The following EVC variants were observed in gnomAD, a reference collection of about 807,000 sequenced individuals.
EVC encodes the protein evC complex member EVC.
In EVC, 116 loss-of-function variants were observed where a neutral mutation model predicts 118.9. That is an observed-to-expected ratio of 0.98 (90% CI 0.84 to 1.14). The LOEUF (loss-of-function observed/expected upper bound fraction) is 1.14. Ranked by LOEUF, EVC falls within the 50% of genes most tolerant of loss-of-function variation. EVC has a pLI of 0.00. For missense variants in EVC, 1,401 were observed against 1,246.4 expected (o/e 1.12, Z -1.87); for synonymous variants, 619 against 534.7 (o/e 1.16, Z -2.18).
intron 12 of EVC, 42 bp from the exon 13 acceptor site, chr4:5,793,566 G>C (rs768735514): frequency 6.7e-7 from 1 of 1,488,290 alleles, no homozygotes. Flanking sequence ...TTGTTGAAGT[G>C]AGTAACCACA....
chr4:5,771,787 G>A (rs1734002846), intron 11 of EVC, among the ~76,000 whole-genome samples: 1 of 152,190 alleles, frequency 6.6e-6, no homozygotes, highest in Non-Finnish European at 1.5e-5. Flanking sequence ...GGCTTAAAGG[G>A]TTATACACCA....
intron 3 of EVC, among the ~76,000 whole-genome samples, chr4:5,730,116 C>T (rs796397569): frequency 6.6e-6 from 1 of 152,166 alleles, no homozygotes; most frequent in Non-Finnish European, 1.5e-5. Flanking sequence ...CACTGTGTGG[C>T]GTTTCCTGAC....
chr4:5,804,753 C>T lies in EVC; in HGVS notation c.2473C>T (p.Leu825=). Residue 825 remains leucine (L), a synonymous_variant, in exon 17 of 21, where the codon CTG becomes TTG. Transcript: ENST00000264956. ...AGGTGAGAGGATGGAAAATTACAAA[C>T]TGCGGAAAAAGCAAGAACTCAGCAA... ...LQGERMENYK[L]RKKQELSNPS... is the part of the protein sequence containing the mutation. The T allele has an allele frequency of 6.2e-7, 1 of 1,614,160 alleles. No individual in the cohort carries two copies. Among genetic ancestry groups the T allele is most frequent in the Non-Finnish European group, 8.5e-7 (1 of 1,180,038 alleles).
At chr4:5,721,592 G>T (rs1375833254) in intron 2 of EVC, among the ~76,000 whole-genome samples, 2 of 152,216 alleles carry the variant, frequency 1.3e-5, no homozygotes, top group Non-Finnish European at 2.9e-5. Context: ...GATAGGCTGG[G>T]CATGGTGGCT....
intron 5 of EVC, among the ~76,000 whole-genome samples, chr4:5,741,188 A>G (rs1053227614): frequency 1.3e-5 from 2 of 152,344 alleles, no homozygotes; most frequent in Non-Finnish European, 2.9e-5. Flanking sequence ...CAGATGTCTT[A>G]CAGGGGTGAA....
Position 5,758,124 on chromosome 4 carries a change from G to A in EVC, c.1563+1762G>A, listed in dbSNP as rs1387513035. The A allele has an allele frequency of 4.3e-6, 3 of 702,194 alleles. No individual in the cohort carries two copies. In the East Asian group the frequency reaches 8.0e-5, roughly 19 times the overall value. 43.5% of individuals were successfully genotyped at this position (702,194 alleles called of 1,614,324 possible). On this transcript the variant is annotated intron_variant, in intron 11 of 20. Coordinates refer to ENST00000264956, the MANE Select transcript of EVC (RefSeq NM_153717.3). ...AGAGACACAGGGAAGGAGGCTGTTT[G>A]AAGACAGAAGGAGGGACTGGAGTGA... is the stretch of plus-strand genomic sequence containing the variant.
intron 13 of EVC, among the ~76,000 whole-genome samples, chr4:5,794,633 A>T (rs1210718351): frequency 1.3e-5 from 2 of 151,144 alleles, no homozygotes; most frequent in Admixed American, 1.3e-4. Flanking sequence ...CTGGTCTCAA[A>T]CTCCTAACCT....
chr4:5,741,613 G>C, intron 5 of EVC, 103 bp from the exon 6 acceptor site: 1 of 682,376 alleles, frequency 1.5e-6, no homozygotes. Context: ...AAAAGAAGGA[G>C]AGAGGCAGTG....
chr4:5,717,394 T>A (rs985176112), intron 1 of EVC, among the ~76,000 whole-genome samples: 27 of 152,172 alleles, frequency 1.8e-4, no homozygotes, highest in Middle Eastern at 3.2e-3. Context: ...TTTGTTTGTT[T>A]TGGATTTTAT....
At chr4:5,766,243 C>T (rs1164945553) in intron 11 of EVC, among the ~76,000 whole-genome samples, 10 of 151,816 alleles carry the variant, frequency 6.6e-5, no homozygotes, top group Admixed American at 5.2e-4. Flanking sequence ...CCACTCTCTT[C>T]TGGCTTGTAG....
intron 5 of EVC, among the ~76,000 whole-genome samples, chr4:5,735,920 C>G (rs948792424): frequency 1.3e-5 from 2 of 152,184 alleles, no homozygotes; most frequent in Non-Finnish European, 2.9e-5. Context: ...CTGTAAGAAC[C>G]TGGTGAGCCG....
At chr4:5,713,124 C>T (rs1403670558) in intron 1 of EVC, among the ~76,000 whole-genome samples, 2 of 152,190 alleles carry the variant, frequency 1.3e-5, no homozygotes, top group African/African-American at 2.4e-5. Flanking sequence ...CCGGGATTAA[C>T]CAAGCCATCT....
At chr4:5,824,308 G>A in the EVC span, 6 of 985,166 alleles carry the variant, frequency 6.1e-6, no homozygotes, top group Middle Eastern at 5.2e-4. Flanking sequence ...TCTATTTAGG[G>A]TCCATTTTGT....
intron 1 of EVC, 29 bp downstream of exon 1, chr4:5,711,583 G>A: frequency 8.5e-7 from 1 of 1,170,758 alleles, no homozygotes; most frequent in South Asian, 4.3e-5. Context: ...CAGCGGCGGG[G>A]CGGGGAGCGC....
chr4:5,760,526 C>A (rs1204475131), intron 11 of EVC, among the ~76,000 whole-genome samples: 1 of 152,028 alleles, frequency 6.6e-6, no homozygotes, highest in African/African-American at 2.4e-5. Flanking sequence ...GTGTGAAATT[C>A]TCCACATCTG....
At chr4:5,730,236 G>A (rs1726567314) in intron 3 of EVC, among the ~76,000 whole-genome samples, 1 of 152,128 alleles carries the variant, frequency 6.6e-6, no homozygotes, top group South Asian at 2.1e-4. Context: ...TCAGAACAGT[G>A]CACAACATCT....
the EVC span, among the ~76,000 whole-genome samples, chr4:5,827,632 A>T: frequency 6.6e-6 from 1 of 151,604 alleles, no homozygotes; most frequent in South Asian, 2.1e-4. Flanking sequence ...ACACACACAC[A>T]CTCCAACACA....
intron 11 of EVC, among the ~76,000 whole-genome samples, chr4:5,768,720 G>T (rs1390014409): frequency 6.6e-6 from 1 of 151,936 alleles, no homozygotes; most frequent in Non-Finnish European, 1.5e-5. Context: ...AGCCAGGTGT[G>T]GTGGTGGGTG....
intron 1 of EVC, among the ~76,000 whole-genome samples, chr4:5,717,125 A>G (rs957455842): frequency 6.6e-6 from 1 of 151,960 alleles, no homozygotes; most frequent in Non-Finnish European, 1.5e-5. Flanking sequence ...TGGGCTTCCA[A>G]TCTTAGTCTT....
Sources: allele counts gnomAD v4.1 joint callset (sites outside exome capture counted in the v4.1 genomes callset), GRCh38; gene constraint gnomAD v4.1.1; transcripts MANE v1.5; gene names NCBI Gene and HGNC (gene_info 2026-07-23, HGNC 2026-07-21).